Variants in TMEM45A observed in about 807,000 individuals in gnomAD.
TMEM45A encodes the protein transmembrane protein 45A.
TMEM45A carries 25 observed loss-of-function variants against 32.0 expected under a neutral mutation model. That is an observed-to-expected ratio of 0.78 (90% confidence interval 0.57 to 1.09). The LOEUF is 1.09. Among genes scored for constraint, TMEM45A ranks in the 50% least tolerant of loss-of-function variants. The pLI, the probability that TMEM45A is intolerant of heterozygous loss-of-function variation, is 0.00. For synonymous variants in TMEM45A, 122 were observed against 114.8 expected (o/e 1.06, Z -0.40); for missense variants, 302 against 325.0 (o/e 0.93, Z 0.54).
intron 1 of TMEM45A, among the ~76,000 whole-genome samples, chr3:100,511,141 C>T (rs1172709867): frequency 1.8e-4 from 28 of 151,802 alleles, no homozygotes; most frequent in African/African-American, 4.6e-4. Flanking sequence ...AGATACTCCT[C>T]GAGAAGAGCA....
chr3:100,563,838 T>C (rs1706378076), intron 4 of TMEM45A, among the ~76,000 whole-genome samples: 1 of 152,164 alleles, frequency 6.6e-6, no homozygotes, highest in African/African-American at 2.4e-5. Flanking sequence ...AACACTGATA[T>C]CTCCAAAGCA....
intron 5 of TMEM45A, chr3:100,571,633 T>C (rs1271652210): frequency 6.6e-6 from 1 of 152,188 alleles, no homozygotes; most frequent in Admixed American, 6.5e-5. Context: ...AGTTTTAGGG[T>C]ACATGTGCAC....
chr3:100,506,817 C>G (rs936407678), intron 1 of TMEM45A, among the ~76,000 whole-genome samples: 3 of 152,082 alleles, frequency 2.0e-5, no homozygotes, highest in Non-Finnish European at 4.4e-5. Context: ...GACTCAGATT[C>G]AAAGGCTTGG....
At chr3:100,556,463 T>C (rs913309793) in intron 2 of TMEM45A, among the ~76,000 whole-genome samples, 1 of 152,246 alleles carries the variant, frequency 6.6e-6, no homozygotes, top group Non-Finnish European at 1.5e-5. Flanking sequence ...ATTCAGGATG[T>C]ATCTCAGTCA....
intron 5 of TMEM45A, among the ~76,000 whole-genome samples, chr3:100,575,365 T>C (rs578219404): frequency 3.2e-3 from 67 of 21,124 alleles, no homozygotes; most frequent in African/African-American, 7.8e-3. Flanking sequence ...TGGATTCTCT[T>C]TTTTTTTTTT....
At chr3:100,572,951 T>C (rs1706599330) in intron 5 of TMEM45A, 1 of 151,574 alleles carries the variant, frequency 6.6e-6, no homozygotes, top group Non-Finnish European at 1.5e-5. Context: ...TTCTGTTCCA[T>C]TGGTCTATAT....
intron 1 of TMEM45A, among the ~76,000 whole-genome samples, chr3:100,550,957 T>C (rs552735957): frequency 2.0e-5 from 3 of 151,272 alleles, no homozygotes; most frequent in Non-Finnish European, 4.4e-5. Context: ...TGAATCACAC[T>C]GGAAACCAAT....
At chr3:100,556,308 T>C (rs984203592) in intron 2 of TMEM45A, among the ~76,000 whole-genome samples, 1 of 152,240 alleles carries the variant, frequency 6.6e-6, no homozygotes. Flanking sequence ...GTTATCATAA[T>C]TGGAGAAAAG....
Position 100,562,086 on chromosome 3 carries a change from G to A in TMEM45A, c.588+3497G>A, listed in dbSNP as rs142933168. Among the ~76,000 whole-genome samples the A allele has an allele frequency of 3.9e-5, 6 of 152,236 alleles. No homozygotes were observed. The East Asian group carries it at 1.2e-3, about 29-fold the overall frequency. On this transcript the variant is annotated intron_variant, in intron 4 of 5. Coordinates refer to ENST00000323523, the MANE Select transcript of TMEM45A (RefSeq NM_018004.3). Reference sequence around the variant, plus strand: ...CTTCGTTATAGGAAATTGGCCCCAGGCTTATTGCCTATTAGAGAAGATAAT... The same window carrying A: ...CTTCGTTATAGGAAATTGGCCCCAGACTTATTGCCTATTAGAGAAGATAAT...
intron 1 of TMEM45A, among the ~76,000 whole-genome samples, chr3:100,535,481 C>T (rs1399772008): frequency 6.6e-6 from 1 of 152,146 alleles, no homozygotes; most frequent in Non-Finnish European, 1.5e-5. Flanking sequence ...TTTGATATCA[C>T]CTCATTGGCT....
At chr3:100,547,538 C>G (rs1376538345) in intron 1 of TMEM45A, among the ~76,000 whole-genome samples, 1 of 151,892 alleles carries the variant, frequency 6.6e-6, no homozygotes, top group Non-Finnish European at 1.5e-5. Context: ...TCATAAAGGT[C>G]TTCATCCTTA....
At chr3:100,516,622 C>G (rs971487051) in intron 1 of TMEM45A, among the ~76,000 whole-genome samples, 1 of 152,122 alleles carries the variant, frequency 6.6e-6, no homozygotes, top group Non-Finnish European at 1.5e-5. Flanking sequence ...GCCTTTCTGT[C>G]AGCAACTCTC....
At chr3:100,529,846 G>C (rs747173633) in intron 1 of TMEM45A, among the ~76,000 whole-genome samples, 1 of 152,010 alleles carries the variant, frequency 6.6e-6, no homozygotes. Flanking sequence ...TCAAACTCCT[G>C]AGCTCAAGTG....
rs547751798 is a variant in TMEM45A, at chr3:100,535,418, C to A, written c.-3-19791C>A. On this transcript the variant is annotated intron_variant, in intron 1 of 5. Coordinates refer to ENST00000323523, the MANE Select transcript of TMEM45A (RefSeq NM_018004.3). Reference sequence around the variant, plus strand: ...TCCCAACACCAAGAGACCGAGAGACCAGAGTTATTCTGTTGGCTTTTCCCC... The same window carrying A: ...TCCCAACACCAAGAGACCGAGAGACAAGAGTTATTCTGTTGGCTTTTCCCC... Among the ~76,000 whole-genome samples, 14 of 152,124 alleles carry A rather than the reference C, an allele frequency of 9.2e-5. 1 individual carries two copies. In the South Asian group the frequency reaches 2.9e-3, roughly 32 times the overall value.
At chr3:100,512,923 A>C (rs1708192438) in intron 1 of TMEM45A, among the ~76,000 whole-genome samples, 1 of 151,952 alleles carries the variant, frequency 6.6e-6, no homozygotes, top group African/African-American at 2.4e-5. Flanking sequence ...AGACTAAACC[A>C]GGAAGAAGTT....
rs139291077 is a variant in TMEM45A, at chr3:100,509,815, G to C, written c.-4+16887G>C. Among the ~76,000 whole-genome samples the C allele has an allele frequency of 7.9e-3, 1,203 of 152,356 alleles. 18 individuals are homozygous for C. Among genetic ancestry groups the C allele is most frequent in the African/African-American group, 0.027 (1,142 of 41,578 alleles). On this transcript the variant is annotated intron_variant, in intron 1 of 5. Transcript: ENST00000323523. ...GCATTGCCTCACTCGGGAAGTGCAA[G>C]GGGTCAGGGACTTCCCTTTCCTAGT...
chr3:100,514,523 C>G (rs1420973081), intron 1 of TMEM45A, among the ~76,000 whole-genome samples: 20 of 151,906 alleles, frequency 1.3e-4, no homozygotes, highest in African/African-American at 3.9e-4. Flanking sequence ...CATAAAAACC[C>G]TAGAAGAAAA....
intron 1 of TMEM45A, among the ~76,000 whole-genome samples, chr3:100,507,962 G>T (rs965480634): frequency 6.6e-6 from 1 of 150,770 alleles, no homozygotes; most frequent in Non-Finnish European, 1.5e-5. Context: ...AGATAAGCAC[G>T]ATGTCAAATA....
intron 1 of TMEM45A, among the ~76,000 whole-genome samples, chr3:100,510,942 G>A (rs1195293785): frequency 9.2e-5 from 14 of 152,240 alleles, no homozygotes; most frequent in East Asian, 3.9e-4. Context: ...AAAAAGAAAC[G>A]AGCAAAGCCT....
Sources: gnomAD v4.1 joint callset for allele counts (sites outside exome capture counted in the v4.1 genomes callset) on GRCh38, gnomAD v4.1.1 for gene constraint, MANE v1.5 for transcripts, NCBI Gene and HGNC (gene_info 2026-07-23, HGNC 2026-07-21) for gene names.